Variants in SLC2A8 observed in about 807,000 individuals in gnomAD.
SLC2A8 encodes the protein solute carrier family 2, facilitated glucose transporter member 8.
SLC2A8 carries 53 observed loss-of-function variants against 49.2 expected under a neutral mutation model. The observed-to-expected ratio is 1.08, with a 90% CI of 0.86 to 1.35. The LOEUF is 1.35. Among genes scored for constraint, SLC2A8 ranks in the 40% most tolerant of loss-of-function variants. SLC2A8 has a pLI of 0.00. For missense variants in SLC2A8, 688 were observed against 671.7 expected (o/e 1.02, Z -0.27); for synonymous variants, 299 against 297.0 (o/e 1.01, Z -0.07).
rs770591156 is a variant in SLC2A8 at position 127,397,932 on chromosome 9, G to A, written c.247G>A (p.Gly83Arg). 25 of 1,531,196 alleles carry A rather than the reference G, an allele frequency of 1.6e-5. No individual in the cohort carries two copies. In the Admixed American group the frequency reaches 3.1e-4, roughly 19 times the overall value. The allele number at this position is 1,531,196 out of a possible 1,614,324, so 94.9% of individuals were successfully genotyped here. A position where few individuals can be genotyped will look rare whatever the true frequency, so the allele number is the denominator to read the frequency against. The change falls in exon 3 of 10, where the codon GGG becomes AGG. Residue 83 changes from glycine to arginine, a missense_variant. By Grantham distance (125) the Gly-to-Arg change is moderately radical. Coordinates refer to ENST00000373371, the MANE Select transcript of SLC2A8 (RefSeq NM_014580.5). ...TGTCGTGACCCTGGGTGCCGCGGCGGGGGGAGTGCTGGGCGGCTGGCTGGT... is the reference window on the plus strand; with the variant it reads ...TGTCGTGACCCTGGGTGCCGCGGCGAGGGGAGTGCTGGGCGGCTGGCTGGT... ...GAVVTLGAAA[G>R]GVLGGWLVDR... is the part of the protein sequence containing the mutation.
Position 127,397,916 on chromosome 9 carries a change from C to T in SLC2A8, c.231C>T (p.Thr77=). 1 of 1,528,044 alleles carries T rather than the reference C, an allele frequency of 6.5e-7. No individual in the cohort carries two copies. The highest frequency in any genetic ancestry group is 1.2e-5 in the South Asian group (1 of 83,130). 94.7% of individuals were successfully genotyped at this position (1,528,044 alleles called of 1,614,324 possible). ...CCGCCCGCCTCCAGGCTGTCGTGAC[C>T]CTGGGTGCCGCGGCGGGGGGAGTGC... ...AAASWFGAVV[T]LGAAAGGVLG... The change falls in exon 3 of 10, where the codon ACC becomes ACT. Residue 77 remains threonine (T), a synonymous_variant. Coordinates refer to ENST00000373371, the MANE Select transcript of SLC2A8 (RefSeq NM_014580.5).
rs574250045 is a variant in SLC2A8, at chr9:127,403,556, G to A, written c.724-104G>A. On this transcript the variant is annotated intron_variant, in intron 5 of 9. Transcript: ENST00000373371. ...GGGTGCTGGGATGAGGAGCCAAGAC[G>A]TGGGAGTCAGCGCTCCCCAAGCCTT... 5.1e-5 allele frequency: 69 copies of A among 1,360,406 alleles called. No individual in the cohort carries two copies. In the African/African-American group the frequency reaches 6.7e-4, roughly 13 times the overall value. 84.3% of individuals were successfully genotyped at this position (1,360,406 alleles called of 1,614,324 possible).
Position 127,403,650 on chromosome 9 carries a change from G to A in SLC2A8, c.724-10G>A, listed in dbSNP as rs202074428. The A allele has an allele frequency of 2.5e-3, 4,018 of 1,612,706 alleles. 7 individuals carry two copies. The highest frequency in any genetic ancestry group is 3.1e-3 in the Non-Finnish European group (3,691 of 1,179,938). ...AGAGAAATCCTGATGGCCAGTATCC[G>A]TCAGAGCAGAGCTTTCACCTGGCCC... On this transcript the variant is annotated splice_polypyrimidine_tract_variant and intron_variant, in intron 5 of 9. Transcript: ENST00000373371.
intron 4 of SLC2A8, among the ~76,000 whole-genome samples, chr9:127,402,170 C>G (rs547225516): frequency 6.6e-6 from 1 of 152,232 alleles, no homozygotes; most frequent in African/African-American, 2.4e-5. Context: ...TTCTTGGTAG[C>G]CTTCAGAGAG....
intron 2 of SLC2A8, 94 bp from the exon 3 acceptor site, chr9:127,397,811 C>A: frequency 1.5e-6 from 2 of 1,304,080 alleles, no homozygotes; most frequent in Non-Finnish European, 2.0e-6. Context: ...CGCGGGGCCC[C>A]GGCTCTTTTA....
chr9:127,402,856 A>G, intron 5 of SLC2A8, 103 bp downstream of exon 5: 1 of 1,347,160 alleles, frequency 7.4e-7, no homozygotes, highest in Non-Finnish European at 9.8e-7. Flanking sequence ...GGGGACAGGG[A>G]GGTGCCTATC....
At chr9:127,402,483 G>C in intron 4 of SLC2A8, 74 bp from the exon 5 acceptor site, 1 of 1,435,584 alleles carries the variant, frequency 7.0e-7, no homozygotes, top group Non-Finnish European at 9.1e-7. Flanking sequence ...CTGAAGCTGA[G>C]TCTTTGAGGC....
chr9:127,407,294 G>A lies in SLC2A8; in HGVS notation c.*45G>A. The stretch of plus-strand genomic sequence containing the variant: ...GGAGCAAGCCTGTGACTCCAAGCTG[G>A]GCCCAAGCCCAGAGCCCCTGCCTGC... On this transcript the variant is annotated 3_prime_UTR_variant, in exon 10 of 10. Transcript: ENST00000373371. The A allele has an allele frequency of 6.2e-7, 1 of 1,610,608 alleles. No individual in the cohort carries two copies. The highest frequency in any genetic ancestry group is 8.5e-7 in the Non-Finnish European group (1 of 1,178,464).
intron 5 of SLC2A8, 81 bp downstream of exon 5, chr9:127,402,834 A>G (rs1833344240): frequency 2.0e-5 from 28 of 1,404,300 alleles, no homozygotes; most frequent in Non-Finnish European, 2.5e-5. Flanking sequence ...AAGGCCACAC[A>G]CTTGGGGGGT....
intron 3 of SLC2A8, among the ~76,000 whole-genome samples, chr9:127,398,871 C>T (rs960366638): frequency 6.6e-6 from 1 of 152,218 alleles, no homozygotes; most frequent in East Asian, 1.9e-4. Context: ...CAGCCATGGG[C>T]TTGGACAATA....
rs1833331808 is a variant in SLC2A8, at chr9:127,402,618, G to C, written c.588G>C (p.Leu196=). 6.3e-7 allele frequency: 1 copy of C among 1,597,918 alleles called. No individual in the cohort carries two copies. Among genetic ancestry groups the C allele is most frequent in the South Asian group, 1.1e-5 (1 of 88,534 alleles). The change falls in exon 5 of 10, where the codon CTG becomes CTC. Residue 196 remains leucine, a synonymous_variant. Coordinates refer to ENST00000373371, the MANE Select transcript of SLC2A8 (RefSeq NM_014580.5). ...GCTGCGTGCCCCCCTCCCTCATGCTGCTTCTCATGTGCTTCATGCCCGAGA... is the reference window on the plus strand; with the variant it reads ...GCTGCGTGCCCCCCTCCCTCATGCTCCTTCTCATGTGCTTCATGCCCGAGA... The part of the protein sequence containing the change: ...VLGCVPPSLM[L]LLMCFMPETP...
chr9:127,407,780 A>C lies in SLC2A8; in HGVS notation c.*531A>C, dbSNP rs1833540293. On this transcript the variant is annotated 3_prime_UTR_variant, in exon 10 of 10. Transcript: ENST00000373371. ...TCATGGTCAGCCAAGCTTACCCTTC[A>C]CACTGAGAAGTCATTTCTGGCTACT... The C allele has an allele frequency of 6.2e-6, 1 of 162,456 alleles. No homozygotes were observed. Among genetic ancestry groups the C allele is most frequent in the Non-Finnish European group, 1.4e-5 (1 of 73,634 alleles). 10.1% of individuals were successfully genotyped at this position (162,456 alleles called of 1,614,324 possible). A position where few individuals can be genotyped will look rare whatever the true frequency, so the allele number is the denominator to read the frequency against.
Position 127,402,744 on chromosome 9 carries a change from G to A in SLC2A8, c.714G>A (p.Gly238=). 1 of 1,544,530 alleles carries A rather than the reference G, an allele frequency of 6.5e-7. No homozygotes were observed. Among genetic ancestry groups the A allele is most frequent in the Non-Finnish European group, 8.7e-7 (1 of 1,145,012 alleles). The change falls in exon 5 of 10, where the codon GGG becomes GGA. Residue 238 remains glycine (G), a synonymous_variant. Transcript: ENST00000373371. The part of the protein sequence containing the change: ...SEQGWEDPPI[G]AEQSFHLALL... Reference sequence around the variant, plus strand: ...AGGGCTGGGAAGACCCCCCCATCGGGGCTGAGCAGGTGAGAGGCTGGAAGG... The same window carrying A: ...AGGGCTGGGAAGACCCCCCCATCGGAGCTGAGCAGGTGAGAGGCTGGAAGG...
chr9:127,402,836 T>C (rs1489734412), intron 5 of SLC2A8, 83 bp downstream of exon 5: 7 of 1,419,884 alleles, frequency 4.9e-6, no homozygotes, highest in African/African-American at 1.4e-5. Flanking sequence ...GGCCACACAC[T>C]TGGGGGGTGG....
intron 5 of SLC2A8, 199 bp from the exon 6 acceptor site, chr9:127,403,461 G>A (rs577693982): frequency 1.0e-4 from 62 of 620,728 alleles, no homozygotes; most frequent in African/African-American, 9.2e-4. Context: ...GAAGTGCCCT[G>A]GGCAGGTGAG....
At position 127,404,873 on chromosome 9, in the gene SLC2A8, G is replaced by A; in HGVS notation, c.1032G>A (p.Gln344=). The A allele has an allele frequency of 6.2e-7, 1 of 1,612,778 alleles. No individual in the cohort carries two copies. Among genetic ancestry groups the A allele is most frequent in the Non-Finnish European group, 8.5e-7 (1 of 1,179,848 alleles). The change falls in exon 8 of 10, where the codon CAG becomes CAA. Residue 344 remains glutamine, a synonymous_variant. Transcript: ENST00000373371. The stretch of plus-strand genomic sequence containing the variant: ...TCGGCGCCTACTTCAAGCTGACCCA[G>A]GGTGGCCCTGGCAACTCCTCGCACG... The part of the protein sequence containing the change: ...SAFGAYFKLT[Q]GGPGNSSHVA...
chr9:127,401,333 C>T (rs569232006), intron 4 of SLC2A8, among the ~76,000 whole-genome samples: 1 of 152,342 alleles, frequency 6.6e-6, no homozygotes, highest in Admixed American at 6.5e-5. Flanking sequence ...GACTTGAGAA[C>T]CATGGGGATC....
At chr9:127,404,701 C>G (rs1025869432) in intron 7 of SLC2A8, 117 bp from the exon 8 acceptor site, 1 of 1,225,746 alleles carries the variant, frequency 8.2e-7, no homozygotes, top group Non-Finnish European at 1.1e-6. Context: ...TGCCAGAACA[C>G]CAAGCTGGCC....
chr9:127,399,811 C>A lies in SLC2A8; in HGVS notation c.427-96C>A. The A allele has an allele frequency of 1.0e-6, 1 of 993,688 alleles. No homozygotes were observed. The highest frequency in any genetic ancestry group is 1.6e-6 in the Non-Finnish European group (1 of 642,588). The allele number at this position is 993,688 out of a possible 1,614,324, so 61.6% of individuals were successfully genotyped here. A position where few individuals can be genotyped will look rare whatever the true frequency, so the allele number is the denominator to read the frequency against. On this transcript the variant is annotated intron_variant, in intron 3 of 9. Transcript: ENST00000373371. This position sits in a 1 kb window ranked among gnomAD's most constrained non-coding sequence, Gnocchi z 4.2. ...GGTCAGGCCAGTCTCAAACTCCCAA[C>A]CTCTGGTGATCTGCCCGCCTCGGCC...
Sources: gnomAD v4.1 joint callset for allele counts (sites outside exome capture counted in the v4.1 genomes callset) on GRCh38, gnomAD v4.1.1 for gene constraint, Gnocchi (gnomAD v3.1) non-coding constraint, MANE v1.5 for transcripts, NCBI Gene and HGNC (gene_info 2026-07-23, HGNC 2026-07-21) for gene names.